The following MTMR12 variants were observed in gnomAD, a reference collection of about 807,000 sequenced individuals.
The protein encoded by MTMR12 is myotubularin-related protein 12.
MTMR12 carries 33 observed loss-of-function variants against 96.7 expected under a neutral mutation model. The ratio of observed to expected loss-of-function variants is 0.34; its 90% CI spans 0.26 to 0.46. The LOEUF (loss-of-function observed/expected upper bound fraction) is 0.46, where lower values mean the gene tolerates loss of function less well. Ranked by LOEUF, MTMR12 falls within the 20% of genes least tolerant of loss-of-function variation. The pLI is 1.00. For synonymous variants in MTMR12, 298 were observed against 327.2 expected (o/e 0.91, Z 0.96); for missense variants, 721 against 896.1 (o/e 0.80, Z 2.49).
chr5:32,235,104 T>C lies in MTMR12; in HGVS notation c.1370A>G (p.Asp457Gly), dbSNP rs1447633162. 6.2e-7 allele frequency: 1 copy of C among 1,613,470 alleles called. No individual in the cohort carries two copies. Among genetic ancestry groups the C allele is most frequent in the Non-Finnish European group, 8.5e-7 (1 of 1,179,838 alleles). Residue 457 changes from aspartate to glycine, a missense_variant, in exon 14 of 16, where the codon GAT (aspartate) becomes GGT (glycine). Asp to Gly is a moderately conservative substitution (Grantham distance 94). Transcript: ENST00000382142. ...CTGGTGCACCAGCTGCCAGACACAA[T>C]CTAGGAAAAGCAGGAACACAGGAAC... ...EEVPVFLLFL[D>G]CVWQLVHQHP...
intron 1 of MTMR12, among the ~76,000 whole-genome samples, chr5:32,279,007 C>T (rs1443100623): frequency 7.3e-6 from 1 of 136,984 alleles, no homozygotes; most frequent in Non-Finnish European, 1.5e-5. Flanking sequence ...ACCCGAGAGG[C>T]AGAGGTTGCA....
At chr5:32,263,584 C>G (rs552631178) in intron 6 of MTMR12, among the ~76,000 whole-genome samples, 1 of 152,022 alleles carries the variant, frequency 6.6e-6, no homozygotes, top group African/African-American at 2.4e-5. Flanking sequence ...ACTACAGGAA[C>G]GCACCACCAC....
At chr5:32,246,687 C>T (rs1038780780) in intron 10 of MTMR12, among the ~76,000 whole-genome samples, 1 of 152,192 alleles carries the variant, frequency 6.6e-6, no homozygotes, top group African/African-American at 2.4e-5. Context: ...TTGTAAACTG[C>T]TGATTTCTTT....
Position 32,290,835 on chromosome 5 carries a change from A to C in MTMR12, c.82-14093T>G, listed in dbSNP as rs140916592. Among the ~76,000 whole-genome samples, 1,088 of 152,322 alleles carry C rather than the reference A, an allele frequency of 7.1e-3. 14 individuals are homozygous for C. The highest frequency in any genetic ancestry group is 0.025 in the African/African-American group (1,029 of 41,568). On this transcript the variant is annotated intron_variant, in intron 1 of 15. Transcript: ENST00000382142. The stretch of plus-strand genomic sequence containing the variant: ...AGCAAGGCCCTGCCATCTTCTGCAG[A>C]TAACGACTCTCCTTTTGAAAGACAG...
intron 1 of MTMR12, among the ~76,000 whole-genome samples, chr5:32,307,396 G>C (rs940426157): frequency 5.9e-5 from 9 of 152,206 alleles, no homozygotes; most frequent in African/African-American, 2.2e-4. Context: ...TCTGGGGCTG[G>C]GCTGGGGTGG....
intron 10 of MTMR12, among the ~76,000 whole-genome samples, chr5:32,245,448 T>C (rs2112013144): frequency 6.6e-6 from 1 of 152,290 alleles, no homozygotes; most frequent in East Asian, 1.9e-4. Context: ...TGCCCTTGTT[T>C]GATAGGAGGA....
rs946085765 is a variant in MTMR12, at chr5:32,267,881, C to T, written c.583+820G>A. Among the ~76,000 whole-genome samples, 9 of 152,142 alleles carry T rather than the reference C, an allele frequency of 5.9e-5. 1 individual carries two copies. In the South Asian group the frequency reaches 1.2e-3, roughly 21 times the overall value. On this transcript the variant is annotated intron_variant, in intron 6 of 15. Coordinates refer to ENST00000382142, the MANE Select transcript of MTMR12 (RefSeq NM_001040446.3). ...ACGGAGTCTCATTCTATTGCCAGGC[C>T]GGAGTGCAGTGGTGCGATCTCGGCT...
At chr5:32,260,711 T>C (rs562086181) in intron 7 of MTMR12, among the ~76,000 whole-genome samples, 1 of 146,846 alleles carries the variant, frequency 6.8e-6, no homozygotes, top group Non-Finnish European at 1.5e-5. Flanking sequence ...CAGCTCACAC[T>C]GTGAAGGCAC....
intron 1 of MTMR12, among the ~76,000 whole-genome samples, chr5:32,302,488 G>A (rs1435294079): frequency 6.6e-6 from 1 of 152,142 alleles, no homozygotes; most frequent in Non-Finnish European, 1.5e-5. Context: ...GGAAGCCGAG[G>A]TGGGTAGATC....
At chr5:32,303,443 C>T (rs1356268550) in intron 1 of MTMR12, among the ~76,000 whole-genome samples, 1 of 152,108 alleles carries the variant, frequency 6.6e-6, no homozygotes, top group African/African-American at 2.4e-5. Context: ...TTTCCACCTC[C>T]CCTATTCCTC....
intron 1 of MTMR12, among the ~76,000 whole-genome samples, chr5:32,309,210 G>C (rs1180276091): frequency 6.6e-6 from 1 of 152,190 alleles, no homozygotes; most frequent in Non-Finnish European, 1.5e-5. Context: ...GAACATTCTT[G>C]AACTCTGGCC....
At chr5:32,255,810 AT>A in intron 7 of MTMR12, 42 bp from the exon 8 acceptor site, 2 of 1,514,330 alleles carry the variant, frequency 1.3e-6, no homozygotes, top group Non-Finnish European at 1.8e-6. Flanking sequence ...ACAACACTTA[AT>A]TCACAAAATA....
chr5:32,239,573 G>A (rs977823202), intron 12 of MTMR12, among the ~76,000 whole-genome samples: 1 of 152,088 alleles, frequency 6.6e-6, no homozygotes, highest in Non-Finnish European at 1.5e-5. Context: ...GGGTGTGGAA[G>A]CCTCCGTCAC....
chr5:32,281,554 A>C (rs1326574043), intron 1 of MTMR12, among the ~76,000 whole-genome samples: 1 of 152,194 alleles, frequency 6.6e-6, no homozygotes, highest in Non-Finnish European at 1.5e-5. Flanking sequence ...TTGCAATAGA[A>C]AGCACTTTGA....
intron 6 of MTMR12, among the ~76,000 whole-genome samples, chr5:32,263,728 G>A (rs994468544): frequency 1.3e-5 from 2 of 152,050 alleles, no homozygotes; most frequent in African/African-American, 4.8e-5. Context: ...GTGAGCCATC[G>A]CGCCAGGCCA....
chr5:32,267,114 A>T (rs1276361347), intron 6 of MTMR12, among the ~76,000 whole-genome samples: 1 of 149,924 alleles, frequency 6.7e-6, no homozygotes, highest in Non-Finnish European at 1.5e-5. Context: ...CGGGCCCTTG[A>T]ACCTGTAATC....
intron 1 of MTMR12, among the ~76,000 whole-genome samples, chr5:32,282,734 T>G (rs1354769223): frequency 6.6e-6 from 1 of 151,754 alleles, no homozygotes; most frequent in African/African-American, 2.4e-5. Flanking sequence ...TTAATTGGAG[T>G]TTTTCTTTGA....
At position 32,268,712 on chromosome 5, in the gene MTMR12, T is replaced by C; in HGVS notation, c.572A>G (p.Gln191Arg). The change falls in exon 6 of 16, where the codon CAA becomes CGA. Residue 191 changes from glutamine to arginine, a missense_variant. Gln to Arg is a conservative substitution (Grantham distance 43). Coordinates refer to ENST00000382142, the MANE Select transcript of MTMR12 (RefSeq NM_001040446.3). ...CAGAAGATATTTACCTGTATTGTTT[T>C]GTGCAGCAGTCGCATAGGAAAACAG... is the stretch of plus-strand genomic sequence containing the variant. ...LFLFSYATAA[Q>R]NNTVTDPKNH... 6.2e-7 allele frequency: 1 copy of C among 1,613,438 alleles called. No individual in the cohort carries two copies. Among genetic ancestry groups the C allele is most frequent in the Non-Finnish European group, 8.5e-7 (1 of 1,179,372 alleles).
chr5:32,287,558 C>T (rs1449972040), intron 1 of MTMR12, among the ~76,000 whole-genome samples: 2 of 152,174 alleles, frequency 1.3e-5, no homozygotes, highest in East Asian at 3.8e-4. Flanking sequence ...TACATACATA[C>T]ATCCTGTTAG....
Sources: gnomAD v4.1 joint callset for allele counts (sites outside exome capture counted in the v4.1 genomes callset) on GRCh38, gnomAD v4.1.1 for gene constraint, MANE v1.5 for transcripts, NCBI Gene and HGNC (gene_info 2026-07-23, HGNC 2026-07-21) for gene names.